Variants in CDK14 observed in about 807,000 individuals in gnomAD.
CDK14 encodes cyclin dependent kinase 14.
A neutral mutation model predicts 60.7 loss-of-function variants in CDK14; 34 were observed. The observed-to-expected ratio is 0.56, with a 90% CI of 0.43 to 0.75. The LOEUF (loss-of-function observed/expected upper bound fraction) is 0.75. CDK14 is among the 30% of genes least tolerant of loss of function. The pLI, the probability that CDK14 is intolerant of heterozygous loss-of-function variation, is 0.00. For missense variants in CDK14, 482 were observed against 564.1 expected, an observed-to-expected ratio of 0.85 and a Z score of 1.47; for synonymous variants, 197 against 203.7, an observed-to-expected ratio of 0.97 and a Z score of 0.28.
chr7:90,665,997 C>G (rs1800972435), intron 2 of CDK14, among the ~76,000 whole-genome samples: 1 of 152,180 alleles, frequency 6.6e-6, no homozygotes, highest in South Asian at 2.1e-4. Flanking sequence ...GCCTTTTCCA[C>G]TGCTCTCACA....
chr7:90,808,507 A>T (rs1286265316), intron 5 of CDK14, among the ~76,000 whole-genome samples: 1 of 152,204 alleles, frequency 6.6e-6, no homozygotes, highest in Non-Finnish European at 1.5e-5. Context: ...AGCCACTGCA[A>T]AAACATGCCA....
intron 2 of CDK14, among the ~76,000 whole-genome samples, chr7:90,719,040 T>G (rs927448481): frequency 3.9e-5 from 6 of 152,180 alleles, no homozygotes; most frequent in African/African-American, 1.4e-4. Flanking sequence ...GACTGATGAT[T>G]TTTTTATATT....
chr7:91,018,115 G>A (rs1796348268), intron 10 of CDK14, among the ~76,000 whole-genome samples: 1 of 152,222 alleles, frequency 6.6e-6, no homozygotes, highest in African/African-American at 2.4e-5. Flanking sequence ...TACAAAGGAA[G>A]CAAAAGAAAC....
intron 5 of CDK14, among the ~76,000 whole-genome samples, chr7:90,793,646 G>C (rs934574268): frequency 1.3e-5 from 2 of 152,162 alleles, no homozygotes; most frequent in Non-Finnish European, 2.9e-5. Context: ...CATGGAAGTG[G>C]CTTTTGTCAT....
chr7:91,079,095 T>C (rs1235260223), intron 11 of CDK14, among the ~76,000 whole-genome samples: 1 of 152,220 alleles, frequency 6.6e-6, no homozygotes, highest in Non-Finnish European at 1.5e-5. Context: ...AATGTGTTGA[T>C]ATGCTTTTGT....
chr7:91,132,484 G>A (rs747981361), intron 14 of CDK14, among the ~76,000 whole-genome samples: 2 of 152,098 alleles, frequency 1.3e-5, no homozygotes, highest in Non-Finnish European at 2.9e-5. Context: ...TCATGTTGTT[G>A]CCCATAGAGA....
chr7:91,179,209 A>G (rs1015724623), intron 14 of CDK14, among the ~76,000 whole-genome samples: 1 of 151,908 alleles, frequency 6.6e-6, no homozygotes, highest in Admixed American at 6.6e-5. Context: ...TTGTAGGGAC[A>G]TGGATGAAAC....
intron 14 of CDK14, among the ~76,000 whole-genome samples, chr7:91,176,250 T>C (rs1259262488): frequency 6.6e-6 from 1 of 152,194 alleles, no homozygotes; most frequent in Non-Finnish European, 1.5e-5. Context: ...AAAGATGTTC[T>C]TTGAACGCAA....
chr7:91,041,994 T>C (rs1308489616), intron 10 of CDK14, among the ~76,000 whole-genome samples: 1 of 152,028 alleles, frequency 6.6e-6, no homozygotes, highest in African/African-American at 2.4e-5. Flanking sequence ...AATTACCGGG[T>C]AGTGGTTAGG....
chr7:91,190,960 G>T (rs559650709), intron 14 of CDK14, among the ~76,000 whole-genome samples: 2 of 152,218 alleles, frequency 1.3e-5, no homozygotes, highest in Admixed American at 1.3e-4. Context: ...TGAATGATTT[G>T]GGTCTCATAC....
At chr7:90,610,495 C>T (rs984691336) in intron 2 of CDK14, among the ~76,000 whole-genome samples, 2 of 152,176 alleles carry the variant, frequency 1.3e-5, no homozygotes, top group African/African-American at 4.8e-5. Flanking sequence ...AGAAGGCTTT[C>T]TCTCTGTTAG....
intron 12 of CDK14, among the ~76,000 whole-genome samples, chr7:91,097,362 C>T (rs991070020): frequency 2.0e-5 from 3 of 150,946 alleles, no homozygotes; most frequent in Non-Finnish European, 4.4e-5. Flanking sequence ...GCCTGGGTGA[C>T]AAGGGCGAAA....
chr7:91,144,019 T>C (rs1462841425), intron 14 of CDK14, among the ~76,000 whole-genome samples: 1 of 152,192 alleles, frequency 6.6e-6, no homozygotes. Flanking sequence ...TTTTAGATGT[T>C]TCAGTCATAA....
chr7:91,142,251 T>A (rs1292549620), intron 14 of CDK14, among the ~76,000 whole-genome samples: 2 of 152,220 alleles, frequency 1.3e-5, no homozygotes, highest in Non-Finnish European at 2.9e-5. Flanking sequence ...ATTAGACCAC[T>A]TTGGGCATTC....
At chr7:90,779,385 T>G (rs1805210755) in intron 4 of CDK14, among the ~76,000 whole-genome samples, 1 of 152,214 alleles carries the variant, frequency 6.6e-6, no homozygotes, top group Non-Finnish European at 1.5e-5. Flanking sequence ...CCTAAGTAGC[T>G]GGGACTACAG....
chr7:90,836,670 T>C (rs1790110559), intron 5 of CDK14, among the ~76,000 whole-genome samples: 1 of 152,194 alleles, frequency 6.6e-6, no homozygotes, highest in Non-Finnish European at 1.5e-5. Context: ...AACATAGTCA[T>C]TTATTATCAT....
At chr7:90,821,847 A>G (rs980130770) in intron 5 of CDK14, among the ~76,000 whole-genome samples, 4 of 152,092 alleles carry the variant, frequency 2.6e-5, no homozygotes, top group Non-Finnish European at 4.4e-5. Flanking sequence ...CCTCCAGTCC[A>G]TTAAGGGTTA....
intron 6 of CDK14, among the ~76,000 whole-genome samples, chr7:90,881,600 C>T (rs1454242691): frequency 6.6e-6 from 1 of 152,144 alleles, no homozygotes; most frequent in South Asian, 2.1e-4. Context: ...CACTAAGATA[C>T]TCCATGAGAA....
chr7:90,638,032 G>A (rs1800201724), intron 2 of CDK14, among the ~76,000 whole-genome samples: 1 of 148,726 alleles, frequency 6.7e-6, no homozygotes, highest in East Asian at 2.1e-4. Context: ...GTCTCTGAAC[G>A]TGAGATGGGT....
Sources: allele counts gnomAD v4.1 joint callset (sites outside exome capture counted in the v4.1 genomes callset), GRCh38; gene constraint gnomAD v4.1.1; transcripts MANE v1.5; gene names NCBI Gene and HGNC (gene_info 2026-07-23, HGNC 2026-07-21).